Variants in IPO11 observed in about 807,000 individuals in gnomAD.
IPO11 encodes importin-11.
In IPO11, 66 loss-of-function variants were observed where a neutral mutation model predicts 143.2. That is an observed-to-expected ratio of 0.46 (90% CI 0.38 to 0.57). IPO11 has a LOEUF of 0.57. IPO11 is among the 20% of genes least tolerant of loss of function. The probability of loss-of-function intolerance (pLI) is 0.00; values close to 1 mark genes in which losing one functional copy is unlikely to be tolerated. For missense variants in IPO11, 1,026 were observed against 1,141.0 expected, an observed-to-expected ratio of 0.90 and a Z score of 1.45; for synonymous variants, 385 against 377.8, an observed-to-expected ratio of 1.02 and a Z score of -0.22.
intron 15 of IPO11, among the ~76,000 whole-genome samples, chr5:62,492,777 A>G (rs756156203): frequency 6.6e-6 from 1 of 152,140 alleles, no homozygotes; most frequent in Non-Finnish European, 1.5e-5. Flanking sequence ...AGCTCAAGCC[A>G]TCTGCCCACC....
chr5:62,478,844 G>A (rs770184827), intron 9 of IPO11, among the ~76,000 whole-genome samples: 13 of 152,174 alleles, frequency 8.5e-5, no homozygotes, highest in Non-Finnish European at 1.8e-4. Flanking sequence ...GTGGGGGATA[G>A]GGCAGGGATG....
chr5:62,473,064 T>C (rs535082145), intron 7 of IPO11, among the ~76,000 whole-genome samples: 1 of 152,318 alleles, frequency 6.6e-6, no homozygotes, highest in East Asian at 1.9e-4. Context: ...TTTTGCTGTT[T>C]CATTGTTCTG....
At chr5:62,532,442 C>T (rs1382822821) in intron 22 of IPO11, among the ~76,000 whole-genome samples, 2 of 152,104 alleles carry the variant, frequency 1.3e-5, no homozygotes, top group African/African-American at 4.8e-5. Context: ...AGTGCAACCT[C>T]CGCCTCCCAG....
At chr5:62,550,837 C>T (rs1743363123) in intron 25 of IPO11, among the ~76,000 whole-genome samples, 1 of 151,574 alleles carries the variant, frequency 6.6e-6, no homozygotes. Flanking sequence ...TTAAATAGAT[C>T]CATGGACCTG....
At chr5:62,529,265 G>A (rs905428546) in intron 21 of IPO11, among the ~76,000 whole-genome samples, 22 of 152,110 alleles carry the variant, frequency 1.4e-4, no homozygotes, top group African/African-American at 5.3e-4. Context: ...ATACTGGTAA[G>A]CAGGCAGCAG....
At chr5:62,487,648 ATC>A in intron 12 of IPO11, 121 bp from the exon 13 acceptor site, 1 of 1,090,090 alleles carries the variant, frequency 9.2e-7, no homozygotes. Flanking sequence ...TTTTTAACAA[ATC>A]AAAAGTTGGA....
At chr5:62,553,486 T>C (rs975551886) in intron 26 of IPO11, among the ~76,000 whole-genome samples, 1 of 152,116 alleles carries the variant, frequency 6.6e-6, no homozygotes, top group Non-Finnish European at 1.5e-5. Context: ...ATGATTTCCT[T>C]TCTTTTGGAG....
chr5:62,552,369 G>A (rs963829265), intron 26 of IPO11, among the ~76,000 whole-genome samples: 6 of 151,750 alleles, frequency 4.0e-5, no homozygotes, highest in African/African-American at 1.5e-4. Context: ...TCTAGAATTA[G>A]ACTAATCTAA....
At chr5:62,428,542 C>T (rs1219303391) in intron 1 of IPO11, among the ~76,000 whole-genome samples, 1 of 151,838 alleles carries the variant, frequency 6.6e-6, no homozygotes, top group African/African-American at 2.4e-5. Flanking sequence ...CGGAGTTTCA[C>T]CATGTTGGTC....
intron 5 of IPO11, 132 bp downstream of exon 5, chr5:62,452,065 G>A: frequency 1.5e-6 from 1 of 665,372 alleles, no homozygotes; most frequent in Non-Finnish European, 2.6e-6. Flanking sequence ...CCAATATGGT[G>A]AAACCCCATC....
chr5:62,417,507 C>G (rs952654712), intron 1 of IPO11, among the ~76,000 whole-genome samples: 1 of 151,952 alleles, frequency 6.6e-6, no homozygotes, highest in African/African-American at 2.4e-5. Flanking sequence ...TTCTGGGACA[C>G]CATATTTTCC....
chr5:62,557,342 C>T (rs1743609703), intron 26 of IPO11, among the ~76,000 whole-genome samples: 1 of 152,148 alleles, frequency 6.6e-6, no homozygotes, highest in African/African-American at 2.4e-5. Flanking sequence ...CGCCACCAAG[C>T]CTGGCTAATT....
chr5:62,443,701 A>G (rs1056895118), intron 3 of IPO11, among the ~76,000 whole-genome samples: 1 of 152,024 alleles, frequency 6.6e-6, no homozygotes, highest in African/African-American at 2.4e-5. Context: ...TTAATTTCTG[A>G]GTCTTATGCA....
chr5:62,454,083 C>T (rs996310806), intron 5 of IPO11, among the ~76,000 whole-genome samples: 6 of 151,988 alleles, frequency 3.9e-5, no homozygotes, highest in South Asian at 4.1e-4. Flanking sequence ...TGCAGTGAGC[C>T]GAGATTGCAC....
intron 29 of IPO11, among the ~76,000 whole-genome samples, chr5:62,621,538 G>T (rs1275456133): frequency 6.6e-6 from 1 of 152,138 alleles, no homozygotes; most frequent in African/African-American, 2.4e-5. Context: ...CCGTTTTTCG[G>T]CCTTCAGGCT....
chr5:62,586,849 C>T (rs536695360), intron 27 of IPO11, among the ~76,000 whole-genome samples: 84 of 134,966 alleles, frequency 6.2e-4, no homozygotes, highest in Middle Eastern at 5.1e-3. Flanking sequence ...CATCAGTTTC[C>T]GATATCTACA....
intron 20 of IPO11, among the ~76,000 whole-genome samples, chr5:62,523,386 T>G (rs552479166): frequency 2.6e-5 from 4 of 152,278 alleles, no homozygotes; most frequent in African/African-American, 9.6e-5. Flanking sequence ...GGGGAACTGG[T>G]CAGGAAGGCT....
chr5:62,546,246 C>T (rs963708847), intron 24 of IPO11, among the ~76,000 whole-genome samples: 3 of 152,176 alleles, frequency 2.0e-5, no homozygotes, highest in African/African-American at 7.2e-5. Flanking sequence ...GGCACATATA[C>T]ACCATGGAAT....
At chr5:62,588,798 C>T (rs1324498573) in intron 27 of IPO11, among the ~76,000 whole-genome samples, 1 of 152,132 alleles carries the variant, frequency 6.6e-6, no homozygotes, top group African/African-American at 2.4e-5. Flanking sequence ...GTGTACAGAT[C>T]GGGGCTGTTA....
Sources: allele counts gnomAD v4.1 joint callset (sites outside exome capture counted in the v4.1 genomes callset), GRCh38; gene constraint gnomAD v4.1.1; transcripts MANE v1.5; gene names NCBI Gene and HGNC (gene_info 2026-07-23, HGNC 2026-07-21).